The following LUC7L2 variants were observed in gnomAD, a reference collection of about 807,000 sequenced individuals.
LUC7L2 encodes LUC7 like 2, pre-mRNA splicing factor, also known as putative RNA-binding protein Luc7-like 2.
Under a neutral mutation model 52.8 loss-of-function variants are expected in LUC7L2, and 25 were observed. The observed-to-expected ratio is 0.47, with a 90% CI of 0.34 to 0.66. The LOEUF is 0.66. Among genes scored for constraint, LUC7L2 ranks in the 30% least tolerant of loss-of-function variants. LUC7L2 has a pLI of 0.01. For missense variants in LUC7L2, 328 were observed against 497.8 expected (o/e 0.66, Z 3.25); for synonymous variants, 144 against 160.9 (o/e 0.89, Z 0.80).
chr7:139,416,380 C>G (rs939746842), intron 8 of LUC7L2: 2 of 151,778 alleles, frequency 1.3e-5, no homozygotes, highest in African/African-American at 2.4e-5. Context: ...TTTGCCAGCA[C>G]CTTGATCGTA....
At chr7:139,379,540 T>G (rs867442928) in intron 2 of LUC7L2, among the ~76,000 whole-genome samples, 1 of 142,034 alleles carries the variant, frequency 7.0e-6, no homozygotes, top group Non-Finnish European at 1.5e-5. Context: ...TATTCTAGTA[T>G]AACTAATGCT....
chr7:139,418,830 A>G (rs866496216), intron 9 of LUC7L2, among the ~76,000 whole-genome samples: 10 of 152,278 alleles, frequency 6.6e-5, no homozygotes, highest in Middle Eastern at 6.8e-3. Context: ...GAAGTTTCCT[A>G]TGTGAGGCTG....
intron 1 of LUC7L2, among the ~76,000 whole-genome samples, chr7:139,365,473 T>C (rs984525360): frequency 1.3e-5 from 2 of 152,250 alleles, no homozygotes; most frequent in African/African-American, 4.8e-5. Context: ...AGATGGGTAG[T>C]AGGAATTCAA....
chr7:139,406,031 G>A (rs967394078), intron 5 of LUC7L2, among the ~76,000 whole-genome samples: 72 of 152,242 alleles, frequency 4.7e-4, no homozygotes, highest in African/African-American at 1.6e-3. Flanking sequence ...GATCGCTTGA[G>A]TCCAGTTCAA....
At chr7:139,354,669 G>C (rs1387110272) in intron 1 of LUC7L2, among the ~76,000 whole-genome samples, 1 of 152,120 alleles carries the variant, frequency 6.6e-6, no homozygotes, top group Non-Finnish European at 1.5e-5. Context: ...GCCAGCATTT[G>C]TCAATTTGGT....
Position 139,368,737 on chromosome 7 carries a change from C to CAAA in LUC7L2, c.62-7312_62-7310dup, listed in dbSNP as rs779546165. Among the ~76,000 whole-genome samples, 194 of 110,646 alleles carry CAAA rather than the reference C, an allele frequency of 1.8e-3. 2 individuals carry two copies. In the East Asian group the frequency reaches 0.038, roughly 22 times the overall value. 72.6% of individuals were successfully genotyped at this position (110,646 alleles called of 152,430 possible). On this transcript the variant is annotated intron_variant, in intron 1 of 9. Transcript: ENST00000354926. ...TGGGCGACAGAGTGAGACACCGTCTCAAAAAAAAAAAAAAAGTAAAAAGTG... is the reference window on the plus strand; with the variant it reads ...TGGGCGACAGAGTGAGACACCGTCTCAAAAAAAAAAAAAAAAAAGTAAAAAGTG...
chr7:139,422,591 T>G lies in LUC7L2; in HGVS notation c.*251T>G, dbSNP rs1443798382. On this transcript the variant is annotated 3_prime_UTR_variant, in exon 10 of 10. Transcript: ENST00000354926. ...TTTATATAATAAGATGCTGATCTCT[T>G]TATTCTTTCAAGTAAGAGTGCTAGT... 1 of 757,260 alleles carries G rather than the reference T, an allele frequency of 1.3e-6. No homozygotes were observed. Among genetic ancestry groups the G allele is most frequent in the Non-Finnish European group, 1.8e-6 (1 of 553,314 alleles). 46.9% of individuals were successfully genotyped at this position (757,260 alleles called of 1,614,324 possible). A position where few individuals can be genotyped will look rare whatever the true frequency, so the allele number is the denominator to read the frequency against.
intron 2 of LUC7L2, among the ~76,000 whole-genome samples, chr7:139,383,110 T>G (rs546450133): frequency 2.0e-5 from 3 of 151,352 alleles, no homozygotes; most frequent in Non-Finnish European, 2.9e-5. Context: ...ATTTGTATTT[T>G]TATTTTATTT....
At chr7:139,351,240 A>G (rs28395455) in intron 1 of LUC7L2, among the ~76,000 whole-genome samples, 31,729 of 152,112 alleles carry the variant, frequency 0.21, 3,653 homozygotes, top group African/African-American at 0.32. Flanking sequence ...AGTTATCTCA[A>G]ATTCAATGTG....
intron 2 of LUC7L2, among the ~76,000 whole-genome samples, chr7:139,386,368 C>G (rs1279536386): frequency 6.6e-6 from 1 of 150,506 alleles, no homozygotes; most frequent in Non-Finnish European, 1.5e-5. Context: ...ATTACAAAAT[C>G]TCTGTCACTG....
chr7:139,400,457 A>C (rs952716620), intron 3 of LUC7L2, among the ~76,000 whole-genome samples: 1 of 152,318 alleles, frequency 6.6e-6, no homozygotes, highest in South Asian at 2.1e-4. Context: ...CAGTGAGCCT[A>C]GATCATGCCA....
chr7:139,391,812 C>G (rs927384031), intron 2 of LUC7L2, among the ~76,000 whole-genome samples: 4 of 152,124 alleles, frequency 2.6e-5, no homozygotes, highest in Admixed American at 2.0e-4. Context: ...GTCTCGAACT[C>G]CTGGCCTCTA....
chr7:139,381,823 G>T (rs1049076903), intron 2 of LUC7L2, among the ~76,000 whole-genome samples: 1 of 150,600 alleles, frequency 6.6e-6, no homozygotes, highest in Non-Finnish European at 1.5e-5. Flanking sequence ...TGATCTGCCC[G>T]CCTCACCCTC....
At chr7:139,365,201 C>T (rs1033603839) in intron 1 of LUC7L2, among the ~76,000 whole-genome samples, 1 of 152,196 alleles carries the variant, frequency 6.6e-6, no homozygotes, top group African/African-American at 2.4e-5. Context: ...ATATTTCTAT[C>T]TACACAGCAG....
rs779546165 is a variant in LUC7L2 at position 139,368,737 on chromosome 7, C to CA, written c.62-7310dup. On this transcript the variant is annotated intron_variant, in intron 1 of 9. Transcript: ENST00000354926. ...TGGGCGACAGAGTGAGACACCGTCT[C>CA]AAAAAAAAAAAAAAAGTAAAAAGTG... Among the ~76,000 whole-genome samples, 266 of 110,576 alleles carry CA rather than the reference C, an allele frequency of 2.4e-3. 3 individuals carry two copies. Among genetic ancestry groups the CA allele is most frequent in the East Asian group, 3.5e-3 (14 of 3,974 alleles). The allele number at this position is 110,576 out of a possible 152,430, so 72.5% of individuals were successfully genotyped here.
At chr7:139,348,097 G>A (rs1247688837) in intron 1 of LUC7L2, among the ~76,000 whole-genome samples, 1 of 152,076 alleles carries the variant, frequency 6.6e-6, no homozygotes, top group African/African-American at 2.4e-5. Flanking sequence ...GCAAAAGGGT[G>A]AGGATAGGTT....
At chr7:139,380,631 T>A (rs1310431064) in intron 2 of LUC7L2, among the ~76,000 whole-genome samples, 1 of 152,130 alleles carries the variant, frequency 6.6e-6, no homozygotes, top group Non-Finnish European at 1.5e-5. Context: ...AAGCTTGGAT[T>A]ATTTTTCTAT....
intron 2 of LUC7L2, among the ~76,000 whole-genome samples, chr7:139,382,784 C>T (rs1801104104): frequency 6.6e-6 from 1 of 152,114 alleles, no homozygotes; most frequent in African/African-American, 2.4e-5. Flanking sequence ...TTTATGTTGC[C>T]CCAGTAGGTT....
chr7:139,421,850 A>G (rs1412603228), intron 9 of LUC7L2, among the ~76,000 whole-genome samples: 1 of 152,236 alleles, frequency 6.6e-6, no homozygotes, highest in Non-Finnish European at 1.5e-5. Flanking sequence ...GCTGTTATCT[A>G]TGTATTATTT....
Sources: allele counts gnomAD v4.1 joint callset (sites outside exome capture counted in the v4.1 genomes callset), GRCh38; gene constraint gnomAD v4.1.1; transcripts MANE v1.5; gene names NCBI Gene and HGNC (gene_info 2026-07-23, HGNC 2026-07-21).